Variants in KLHL7 observed in about 807,000 individuals in gnomAD.
KLHL7 encodes kelch-like protein 7.
KLHL7 carries 44 observed loss-of-function variants against 67.4 expected under a neutral mutation model. The observed-to-expected ratio is 0.65, with a 90% confidence interval of 0.51 to 0.84. The LOEUF (loss-of-function observed/expected upper bound fraction) is 0.84. KLHL7 is among the 40% of genes least tolerant of loss of function. The pLI, the probability that KLHL7 is intolerant of heterozygous loss-of-function variation, is 0.00. For missense variants in KLHL7, 362 were observed against 718.1 expected (o/e 0.50, Z 5.67); for synonymous variants, 252 against 243.3 (o/e 1.04, Z -0.33).
intron 7 of KLHL7, among the ~76,000 whole-genome samples, chr7:23,160,512 A>G (rs899196951): frequency 4.6e-5 from 7 of 152,204 alleles, no homozygotes; most frequent in Non-Finnish European, 8.8e-5. Flanking sequence ...TCAGCTTGCC[A>G]CTGGCCTCAC....
rs1297712026 is a variant in KLHL7, at chr7:23,176,529, A to G, written c.*2231A>G. 6.6e-6 allele frequency: 1 copy of G among 152,168 alleles called. No homozygotes were observed. The highest frequency in any genetic ancestry group is 2.4e-5 in the African/African-American group (1 of 41,394). The allele number at this position is 152,168 out of a possible 1,614,324, so 9.4% of individuals were successfully genotyped here. ...TGTCTCTACAAAAAAATAAAAAGTT[A>G]GCAGGTGTGGTATATACCTGCAGTT... On this transcript the variant is annotated 3_prime_UTR_variant, in exon 11 of 11. Transcript: ENST00000339077.
At chr7:23,111,291 A>G (rs531541180) in intron 1 of KLHL7, among the ~76,000 whole-genome samples, 2 of 152,302 alleles carry the variant, frequency 1.3e-5, no homozygotes, top group East Asian at 3.9e-4. Flanking sequence ...TCTGAGTTGG[A>G]GACCTACTTT....
At chr7:23,126,769 T>A (rs1043223532) in intron 4 of KLHL7, among the ~76,000 whole-genome samples, 2 of 151,930 alleles carry the variant, frequency 1.3e-5, no homozygotes, top group African/African-American at 4.8e-5. Flanking sequence ...AAAAGTCAGG[T>A]GAAGGGAATA....
intron 1 of KLHL7, among the ~76,000 whole-genome samples, chr7:23,120,110 A>T (rs889124161): frequency 7.9e-5 from 12 of 152,100 alleles, no homozygotes; most frequent in Non-Finnish European, 1.5e-4. Flanking sequence ...CCCGGGCTCA[A>T]GCGATCCTCC....
At chr7:23,106,775 C>T (rs1347509035) in intron 1 of KLHL7, 2 of 985,230 alleles carry the variant, frequency 2.0e-6, no homozygotes, top group Non-Finnish European at 2.4e-6. Flanking sequence ...TCGTGAAATT[C>T]TGCAGCACAT....
At chr7:23,119,273 C>G (rs1292533914) in intron 1 of KLHL7, among the ~76,000 whole-genome samples, 3 of 152,132 alleles carry the variant, frequency 2.0e-5, no homozygotes, top group Non-Finnish European at 4.4e-5. Context: ...GGCACGATCT[C>G]TGCTCACTGC....
intron 1 of KLHL7, among the ~76,000 whole-genome samples, chr7:23,111,820 C>CAAAAAAAAA (rs895981894): frequency 4.3e-5 from 1 of 23,240 alleles, no homozygotes; most frequent in African/African-American, 1.2e-4. Context: ...GACTCCGTCT[C>CAAAAAAAAA]AAAAAAAAAA....
intron 1 of KLHL7, among the ~76,000 whole-genome samples, chr7:23,109,427 A>G (rs552856048): frequency 6.6e-6 from 1 of 152,358 alleles, no homozygotes; most frequent in Admixed American, 6.5e-5. Context: ...GAAGTCCAGG[A>G]GTCTCTTAAC....
intron 4 of KLHL7, among the ~76,000 whole-genome samples, chr7:23,135,591 C>T (rs895750089): frequency 6.6e-6 from 1 of 152,078 alleles, no homozygotes; most frequent in Non-Finnish European, 1.5e-5. Flanking sequence ...ATGTTGTGAC[C>T]TGCTAAACAT....
intron 6 of KLHL7, among the ~76,000 whole-genome samples, chr7:23,149,115 A>C (rs1305622484): frequency 6.6e-6 from 1 of 152,262 alleles, no homozygotes; most frequent in African/African-American, 2.4e-5. Context: ...AAGAAAATGA[A>C]TTACAAAATA....
At chr7:23,131,890 C>T (rs553659963) in intron 4 of KLHL7, among the ~76,000 whole-genome samples, 7 of 151,996 alleles carry the variant, frequency 4.6e-5, no homozygotes, top group East Asian at 1.9e-4. Context: ...CACAAATAAA[C>T]GAGAATATGT....
intron 1 of KLHL7, among the ~76,000 whole-genome samples, chr7:23,115,705 C>T (rs541375834): frequency 1.3e-3 from 197 of 151,926 alleles, no homozygotes; most frequent in Non-Finnish European, 2.5e-3. Flanking sequence ...CCACCACACC[C>T]GGCTAATTTT....
chr7:23,171,088 G>A, intron 9 of KLHL7: 1 of 206,004 alleles, frequency 4.9e-6, no homozygotes, highest in Non-Finnish European at 1.1e-5. Context: ...TGTATTTTCA[G>A]TAGAGACGGG....
At chr7:23,127,343 G>A (rs934866975) in intron 4 of KLHL7, among the ~76,000 whole-genome samples, 2 of 152,124 alleles carry the variant, frequency 1.3e-5, no homozygotes, top group African/African-American at 4.8e-5. Context: ...TATCCTTACT[G>A]TTCACAAAGC....
intron 1 of KLHL7, among the ~76,000 whole-genome samples, chr7:23,119,904 C>G (rs6971673): frequency 0.46 from 69,230 of 151,874 alleles, 17,985 homozygotes; most frequent in African/African-American, 0.72. Context: ...ATAAGTGTAA[C>G]TTGATTTATC....
chr7:23,175,953 T>TAAAAAAAA lies in KLHL7; in HGVS notation c.*1673_*1680dup, dbSNP rs57658434. 4 of 60,492 alleles carry TAAAAAAAA rather than the reference T, an allele frequency of 6.6e-5. No homozygotes were observed. The highest frequency in any genetic ancestry group is 2.8e-4 in the African/African-American group (4 of 14,162). 3.7% of individuals were successfully genotyped at this position (60,492 alleles called of 1,614,324 possible). The stretch of plus-strand genomic sequence containing the variant: ...CCCAGCCTGGGCAACAGAGCAAGAC[T>TAAAAAAAA]AAAAAAAAAAAAAAAAAAAAAAAAA... On this transcript the variant is annotated 3_prime_UTR_variant, in exon 11 of 11. Coordinates refer to ENST00000339077, the MANE Select transcript of KLHL7 (RefSeq NM_001031710.3).
At chr7:23,117,940 C>A (rs747425940) in intron 1 of KLHL7, 1 of 1,614,074 alleles carries the variant, frequency 6.2e-7, no homozygotes, top group Admixed American at 1.7e-5. Flanking sequence ...GCAGAACCTT[C>A]TTGACAAGCC....
At chr7:23,164,249 C>T (rs1784933635) in intron 7 of KLHL7, among the ~76,000 whole-genome samples, 1 of 149,478 alleles carries the variant, frequency 6.7e-6, no homozygotes, top group Non-Finnish European at 1.5e-5. Context: ...TAATAAATGT[C>T]AAATAAATTA....
In KLHL7 at chr7:23,140,891, C is replaced by G; in HGVS notation, c.565C>G (p.Arg189Gly). 1 of 1,613,980 alleles carries G rather than the reference C, an allele frequency of 6.2e-7. No individual in the cohort carries two copies. The highest frequency in any genetic ancestry group is 8.5e-7 in the Non-Finnish European group (1 of 1,179,962). Residue 189 changes from arginine to glycine, a missense_variant, in exon 5 of 11, where the codon CGA becomes GGA. Arg to Gly is a moderately radical substitution (Grantham distance 125). Transcript: ENST00000339077. ...TDEFLQLDVK[R>G]VTHLLNQDTL... ...TGAATTTCTTCAACTTGATGTCAAG[C>G]GAGTAACACATCTTCTCAACCAGGA...
Sources: gnomAD v4.1 joint callset for allele counts (sites outside exome capture counted in the v4.1 genomes callset) on GRCh38, gnomAD v4.1.1 for gene constraint, MANE v1.5 for transcripts, NCBI Gene and HGNC (gene_info 2026-07-23, HGNC 2026-07-21) for gene names.